KAT2B: variants seen among roughly 807,000 people sequenced by gnomAD.
KAT2B encodes lysine acetyltransferase 2B.
In KAT2B, 36 loss-of-function variants were observed where a neutral mutation model predicts 105.9. The ratio of observed to expected loss-of-function variants is 0.34; its 90% confidence interval spans 0.26 to 0.45. The LOEUF (loss-of-function observed/expected upper bound fraction) is 0.45, where lower values mean the gene tolerates loss of function less well. KAT2B is among the 20% of genes least tolerant of loss of function. The pLI is 1.00. For synonymous variants in KAT2B, 397 were observed against 377.9 expected, an observed-to-expected ratio of 1.05 and a Z score of -0.59; for missense variants, 820 against 1,021.6, an observed-to-expected ratio of 0.80 and a Z score of 2.69.
At chr3:20,045,317 CTATTTATT>C (rs10538060) in intron 1 of KAT2B, among the ~76,000 whole-genome samples, 81,160 of 137,668 alleles carry the variant, frequency 0.59, 24,555 homozygotes, top group East Asian at 0.78. Flanking sequence ...TGCACCTGGC[CTATTTATT>C]TATTTATTTA....
intron 4 of KAT2B, 62 bp from the exon 5 acceptor site, chr3:20,101,224 TG>T: frequency 7.6e-7 from 1 of 1,323,240 alleles, no homozygotes; most frequent in Non-Finnish European, 1.1e-6. Context: ...GCTGGCTGTG[TG>T]GGTGTTCAGA....
chr3:20,052,927 G>A (rs557905898), intron 1 of KAT2B, among the ~76,000 whole-genome samples: 60 of 152,348 alleles, frequency 3.9e-4, no homozygotes, highest in African/African-American at 1.4e-3. Flanking sequence ...GGTGAGCTGA[G>A]ATTGCGCCAC....
chr3:20,067,951 C>T (rs893196608), intron 1 of KAT2B, among the ~76,000 whole-genome samples: 5 of 149,746 alleles, frequency 3.3e-5, no homozygotes, highest in African/African-American at 1.2e-4. Context: ...CTAGGATTAC[C>T]TGTGCCTGTC....
chr3:20,115,380 C>T lies in KAT2B; in HGVS notation c.1150+392C>T, dbSNP rs140071012. Among the ~76,000 whole-genome samples the T allele has an allele frequency of 5.9e-5, 9 of 152,248 alleles. No homozygotes were observed. The East Asian group carries it at 1.4e-3, about 23-fold the overall frequency. On this transcript the variant is annotated intron_variant, in intron 7 of 17. Coordinates refer to ENST00000263754, the MANE Select transcript of KAT2B (RefSeq NM_003884.5). ...AAGGAAGACAGATGCCTTCTGGAGTCGCAGTGATCCCAGAAAGAGGATCTG... is the reference window on the plus strand; with the variant it reads ...AAGGAAGACAGATGCCTTCTGGAGTTGCAGTGATCCCAGAAAGAGGATCTG...
chr3:20,092,432 G>T lies in KAT2B; in HGVS notation c.431-2831G>T, dbSNP rs116192285. Among the ~76,000 whole-genome samples the T allele has an allele frequency of 8.9e-3, 1,350 of 151,822 alleles. 16 individuals are homozygous for T. The highest frequency in any genetic ancestry group is 0.025 in the African/African-American group (1,023 of 41,424). On this transcript the variant is annotated intron_variant, in intron 2 of 17. Coordinates refer to ENST00000263754, the MANE Select transcript of KAT2B (RefSeq NM_003884.5). ...TTCAGTAGAGACGAGGTTTCACCAT[G>T]TTGGCCCCACTGGTCTCAAACTCCT...
Position 20,152,361 on chromosome 3 carries a change from A to G in KAT2B, c.2335A>G (p.Asn779Asp), listed in dbSNP as rs1288742551. 3 of 1,613,374 alleles carry G rather than the reference A, an allele frequency of 1.9e-6. No individual in the cohort carries two copies. The highest frequency in any genetic ancestry group is 2.5e-6 in the Non-Finnish European group (3 of 1,179,540). ...GAAAACCATGAGTGAACGCCTCAAG[A>G]ATAGGTACTACGTGTCTAAGAAATT... ...DLKTMSERLK[N>D]RYYVSKKLFM... The change falls in exon 18 of 18, where the codon AAT (asparagine) becomes GAT (aspartate). Residue 779 changes from asparagine (N) to aspartate (D), a missense_variant. By Grantham distance (23) the Asn-to-Asp change is conservative. Transcript: ENST00000263754.
intron 11 of KAT2B, among the ~76,000 whole-genome samples, chr3:20,132,418 T>A (rs1447550877): frequency 6.6e-6 from 1 of 152,168 alleles, no homozygotes; most frequent in African/African-American, 2.4e-5. Flanking sequence ...AGCTTTAAAA[T>A]TATGTAGCTA....
At chr3:20,128,210 A>T (rs1168360088) in intron 11 of KAT2B, among the ~76,000 whole-genome samples, 1 of 152,252 alleles carries the variant, frequency 6.6e-6, no homozygotes, top group Non-Finnish European at 1.5e-5. Flanking sequence ...AATAGATCTC[A>T]GTGTTCATTG....
At chr3:20,129,924 G>C (rs932538927) in intron 11 of KAT2B, among the ~76,000 whole-genome samples, 13 of 152,128 alleles carry the variant, frequency 8.5e-5, no homozygotes, top group Admixed American at 3.9e-4. Context: ...TGGTACTTTA[G>C]CTTTCATTAA....
intron 2 of KAT2B, among the ~76,000 whole-genome samples, chr3:20,074,020 C>T (rs892969587): frequency 1.3e-5 from 2 of 152,176 alleles, no homozygotes; most frequent in Admixed American, 6.5e-5. Context: ...AACTTTGTTT[C>T]CTTTTTTATT....
chr3:20,143,898 G>C (rs1448346691), intron 13 of KAT2B, among the ~76,000 whole-genome samples: 1 of 152,192 alleles, frequency 6.6e-6, no homozygotes, highest in Non-Finnish European at 1.5e-5. Flanking sequence ...AAGAGAGGGA[G>C]AGGAGTAAGG....
chr3:20,140,113 C>A, intron 12 of KAT2B, 108 bp from the exon 13 acceptor site: 1 of 728,738 alleles, frequency 1.4e-6, no homozygotes, highest in Non-Finnish European at 2.3e-6. Context: ...ACAATGAGAA[C>A]TTCAAAGAAG....
intron 1 of KAT2B, among the ~76,000 whole-genome samples, chr3:20,046,617 A>G (rs1183183516): frequency 6.6e-6 from 1 of 152,216 alleles, no homozygotes; most frequent in African/African-American, 2.4e-5. Flanking sequence ...TGTAGAATAT[A>G]CAGAGAGCAG....
intron 5 of KAT2B, among the ~76,000 whole-genome samples, chr3:20,104,312 T>C (rs1030648719): frequency 6.6e-6 from 1 of 152,008 alleles, no homozygotes; most frequent in Admixed American, 6.5e-5. Flanking sequence ...TGTAGACCAA[T>C]AGCCCCTATT....
In KAT2B at chr3:20,122,659, T is replaced by C. The variant is rs1699330871; in HGVS notation, c.1277-9T>C. 1.2e-6 allele frequency: 2 copies of C among 1,609,554 alleles called. No homozygotes were observed. Among genetic ancestry groups the C allele is most frequent in the Non-Finnish European group, 1.7e-6 (2 of 1,177,300 alleles). On this transcript the variant is annotated splice_polypyrimidine_tract_variant and intron_variant, in intron 8 of 17. Coordinates refer to ENST00000263754, the MANE Select transcript of KAT2B (RefSeq NM_003884.5). ...ACCCATTGTTTGCCTTTTATTTTGA[T>C]CATCATAGGAGAAAAGAGGAAAATG...
rs1317102216 is a variant in KAT2B, at chr3:20,111,506, A to G, written c.852-90A>G. 12 of 1,071,338 alleles carry G rather than the reference A, an allele frequency of 1.1e-5. No individual in the cohort carries two copies. In the Admixed American group the frequency reaches 3.0e-4, roughly 27 times the overall value. 66.4% of individuals were successfully genotyped at this position (1,071,338 alleles called of 1,614,324 possible). A position where few individuals can be genotyped will look rare whatever the true frequency, so the allele number is the denominator to read the frequency against. The stretch of plus-strand genomic sequence containing the variant: ...TGCAGGCCTAGTTTTTTTCTGCTAT[A>G]GTTAATAGTACGAGATAAACATAAT... On this transcript the variant is annotated intron_variant, in intron 5 of 17. Transcript: ENST00000263754.
chr3:20,101,295 T>C lies in KAT2B; in HGVS notation c.678T>C (p.Asn226=). Residue 226 remains asparagine, a synonymous_variant, in exon 5 of 18, where the codon AAT becomes AAC. Transcript: ENST00000263754. Reference sequence around the variant, plus strand: ...CCTTCCCTCTTTTTAAGGGTGTGAATAACTTTGTGCAGTACAAATTTAGTC... The same window carrying C: ...CCTTCCCTCTTTTTAAGGGTGTGAACAACTTTGTGCAGTACAAATTTAGTC... ...FEKPSIEQGV[N]NFVQYKFSHL... is the part of the protein sequence containing the mutation. The C allele has an allele frequency of 6.2e-7, 1 of 1,613,884 alleles. No homozygotes were observed. Among genetic ancestry groups the C allele is most frequent in the East Asian group, 2.2e-5 (1 of 44,856 alleles).
intron 12 of KAT2B, 57 bp from the exon 13 acceptor site, chr3:20,140,164 C>T: frequency 9.2e-7 from 1 of 1,083,638 alleles, no homozygotes; most frequent in Non-Finnish European, 1.4e-6. Context: ...ACATAGTTAG[C>T]ACTCAGTAGA....
In KAT2B at chr3:20,042,607, G is replaced by A. The variant is rs561363133; in HGVS notation, c.303+1827G>A. 6.6e-5 allele frequency among the ~76,000 whole-genome samples: 10 copies of A among 152,306 alleles called. No individual in the cohort carries two copies. In the South Asian group the frequency reaches 2.1e-3, roughly 32 times the overall value. On this transcript the variant is annotated intron_variant, in intron 1 of 17. Transcript: ENST00000263754. ...CGTTTCGCAGCCAAAGTGGGCTCAT[G>A]CAGGAACTGTCTCAACTCAGTGTTT...
Sources: gnomAD v4.1 joint callset for allele counts (sites outside exome capture counted in the v4.1 genomes callset) on GRCh38, gnomAD v4.1.1 for gene constraint, MANE v1.5 for transcripts, NCBI Gene and HGNC (gene_info 2026-07-23, HGNC 2026-07-21) for gene names.